Variants in ADAR observed in about 807,000 individuals in gnomAD.
The protein encoded by ADAR is adenosine deaminase RNA specific.
A neutral mutation model predicts 113.2 loss-of-function variants in ADAR; 41 were observed. That is an observed-to-expected ratio of 0.36 (90% CI 0.28 to 0.47). The LOEUF (loss-of-function observed/expected upper bound fraction) is 0.47, where lower values mean the gene tolerates loss of function less well. Ranked by LOEUF, ADAR falls within the 20% of genes least tolerant of loss-of-function variation. The pLI is 1.00. For missense variants in ADAR, 1,242 were observed against 1,540.9 expected (o/e 0.81, Z 3.25); for synonymous variants, 605 against 572.6 (o/e 1.06, Z -0.81).
In ADAR at chr1:154,586,472, T is replaced by C. The variant is rs547720786; in HGVS notation, c.3020-109A>G. 1.5e-5 allele frequency: 16 copies of C among 1,101,228 alleles called. No individual in the cohort carries two copies. In the East Asian group the frequency reaches 4.1e-4, roughly 28 times the overall value. 68.2% of individuals were successfully genotyped at this position (1,101,228 alleles called of 1,614,324 possible). A position where few individuals can be genotyped will look rare whatever the true frequency, so the allele number is the denominator to read the frequency against. ...GGCCACAGGCTACATTCATTCATTC[T>C]TCACATATTTCACAGCCCCTGCTAT... On this transcript the variant is annotated intron_variant, in intron 11 of 14. Transcript: ENST00000368474.
intron 1 of ADAR, among the ~76,000 whole-genome samples, chr1:154,627,318 C>A (rs1032865845): frequency 1.3e-5 from 2 of 152,208 alleles, no homozygotes; most frequent in Admixed American, 1.3e-4. Context: ...AGTGAGCTTT[C>A]CACAGTGGCC....
chr1:154,602,407 G>C lies in ADAR; in HGVS notation c.235C>G (p.Leu79Val). 6.2e-7 allele frequency: 1 copy of C among 1,606,268 alleles called. No homozygotes were observed. The highest frequency in any genetic ancestry group is 8.5e-7 in the Non-Finnish European group (1 of 1,175,340). The change falls in exon 2 of 15, where the codon CTT becomes GTT. Residue 79 changes from leucine (L) to valine (V), a missense_variant. Leu to Val is a conservative substitution (Grantham distance 32). This residue lies in a region of ADAR where 462 missense variants were observed against 483.1 expected (regional missense o/e 0.96). Transcript: ENST00000368474. ...PGLRPRFPVL[L>V]ASSTRGRQVD... The stretch of plus-strand genomic sequence containing the variant: ...TGCCTGCCTCTGGTACTGGAGGCAA[G>C]TAGTACTGGAAACCTTGGCCGGAGT...
intron 11 of ADAR, among the ~76,000 whole-genome samples, chr1:154,586,634 C>CG (rs1357589108): frequency 1.3e-5 from 2 of 152,190 alleles, no homozygotes; most frequent in African/African-American, 2.4e-5. Context: ...CCAGTACATA[C>CG]GGAAGAATTC....
intron 13 of ADAR, 23 bp downstream of exon 13, chr1:154,585,730 A>C: frequency 6.3e-7 from 1 of 1,585,976 alleles, no homozygotes. Context: ...AATGTCAGGG[A>C]AAATAGAAGG....
chr1:154,601,249 T>C lies in ADAR; in HGVS notation c.1393A>G (p.Ser465Gly). 2.5e-6 allele frequency: 4 copies of C among 1,614,262 alleles called. No homozygotes were observed. The highest frequency in any genetic ancestry group is 3.4e-6 in the Non-Finnish European group (4 of 1,180,048). The change falls in exon 2 of 15, where the codon AGT becomes GGT. Residue 465 changes from serine to glycine, a missense_variant. Physicochemically the swap from Ser to Gly is moderately conservative, Grantham distance 56 (BLOSUM62 0). Coordinates refer to ENST00000368474, the MANE Select transcript of ADAR (RefSeq NM_001111.5). The surrounding 1 kb of genome is among the most constrained non-coding windows in gnomAD (Gnocchi z 4.7). ...AACTCACCTGGTGCTGCGCGGATAC[T>C]ATTCAAGTCATCTGGGATGTCATCT... ...ATDDIPDDLN[S>G]IRAAPGEFRA...
At position 154,589,920 on chromosome 1, in the gene ADAR, G is replaced by C. The variant is rs149012931; in HGVS notation, c.2505C>G (p.Leu835=). ...TCTGGTCATGGAAGGTGCTGCCAGTGAGAGGGAGCTGTGGGGAAAAGAGGC... is the reference window on the plus strand; with the variant it reads ...TCTGGTCATGGAAGGTGCTGCCAGTCAGAGGGAGCTGTGGGGAAAAGAGGC... ...SPEAQPKTLP[L]TGSTFHDQIA... is the part of the protein sequence containing the mutation. The change falls in exon 8 of 15, where the codon CTC becomes CTG. Residue 835 remains leucine, a synonymous_variant. Transcript: ENST00000368474. 6.2e-7 allele frequency: 1 copy of C among 1,614,096 alleles called. No homozygotes were observed. The highest frequency in any genetic ancestry group is 8.5e-7 in the Non-Finnish European group (1 of 1,180,042).
intron 6 of ADAR, among the ~76,000 whole-genome samples, chr1:154,592,555 TG>T (rs1001382421): frequency 1.5e-4 from 23 of 152,104 alleles, no homozygotes; most frequent in Non-Finnish European, 2.5e-4. Flanking sequence ...GGAAGGGATT[TG>T]GGATAGAAAT....
At chr1:154,596,734 C>T (rs1335322301) in intron 6 of ADAR, 71 bp downstream of exon 6, 1 of 1,574,266 alleles carries the variant, frequency 6.4e-7, no homozygotes, top group African/African-American at 1.4e-5. Context: ...TAAAGCACAC[C>T]CTTGTTTTCC....
rs942280285 is a variant in ADAR at position 154,582,102 on chromosome 1, G to GT, written c.*2703dup. On this transcript the variant is annotated 3_prime_UTR_variant, in exon 15 of 15. Transcript: ENST00000368474. The stretch of plus-strand genomic sequence containing the variant: ...TGTTTTTTTTTTATTTATGAGGAAT[G>GT]TATATTGTTAAGTCACTGTTATCAA... 1 of 152,286 alleles carries GT rather than the reference G, an allele frequency of 6.6e-6. No individual in the cohort carries two copies. The highest frequency in any genetic ancestry group is 1.5e-5 in the Non-Finnish European group (1 of 67,972). 9.4% of individuals were successfully genotyped at this position (152,286 alleles called of 1,614,324 possible).
At chr1:154,607,919 A>G in intron 1 of ADAR, 73 bp downstream of exon 1, 1 of 1,603,108 alleles carries the variant, frequency 6.2e-7, no homozygotes, top group Non-Finnish European at 8.5e-7. Flanking sequence ...CACGCTACGC[A>G]CTGCAACACA....
upstream of ADAR, among the ~76,000 whole-genome samples, chr1:154,612,322 T>G (rs1255796170): frequency 3.2e-5 from 4 of 124,418 alleles, no homozygotes; most frequent in Non-Finnish European, 5.2e-5. Context: ...TACTCAGTTT[T>G]TTTTTTTTTT....
intron 10 of ADAR, 130 bp from the exon 11 acceptor site, chr1:154,588,388 C>A: frequency 1.3e-6 from 2 of 1,500,674 alleles, no homozygotes; most frequent in Non-Finnish European, 9.2e-7. Flanking sequence ...TGGAGGTGGA[C>A]AGCAGTACAT....
intron 9 of ADAR, 117 bp from the exon 10 acceptor site, chr1:154,588,790 A>G (rs563606459): frequency 7.2e-7 from 1 of 1,383,236 alleles, no homozygotes; most frequent in East Asian, 2.3e-5. Flanking sequence ...CAGACGTTTC[A>G]CAGTTTATCA....
upstream of ADAR, among the ~76,000 whole-genome samples, chr1:154,609,361 T>TCTTTC (rs1698401436): frequency 6.6e-6 from 1 of 152,246 alleles, no homozygotes; most frequent in Non-Finnish European, 1.5e-5. Flanking sequence ...GTGAGAATGT[T>TCTTTC]CTTTCCCTGT....
At position 154,590,240 on chromosome 1, in the gene ADAR, T is replaced by G; in HGVS notation, c.2440A>C (p.Ser814Arg). 1.2e-6 allele frequency: 2 copies of G among 1,604,932 alleles called. No individual in the cohort carries two copies. The highest frequency in any genetic ancestry group is 2.2e-5 in the South Asian group (2 of 90,920). Residue 814 changes from serine to arginine, a missense_variant, in exon 7 of 15, where the codon AGT (serine) becomes CGT (arginine). Physicochemically the swap from Ser to Arg is moderately radical, Grantham distance 110. This residue lies in a region of ADAR where 780 missense variants were observed against 1,057.9 expected (regional missense o/e 0.74). Coordinates refer to ENST00000368474, the MANE Select transcript of ADAR (RefSeq NM_001111.5). Reference sequence around the variant, plus strand: ...AGGAGGAGCATAGTTCTTCTGAGACTGGCCCCTGTCACTGGGGTTACCTCT... The same window carrying G: ...AGGAGGAGCATAGTTCTTCTGAGACGGGCCCCTGTCACTGGGGTTACCTCT... Reference protein sequence around the residue: ...FTEVTPVTGASLRRTMLLLSR... With the variant: ...FTEVTPVTGARLRRTMLLLSR...
chr1:154,588,278 G>A lies in ADAR; in HGVS notation c.2886-20C>T, dbSNP rs768222773. 6.2e-7 allele frequency: 1 copy of A among 1,614,046 alleles called. No individual in the cohort carries two copies. The highest frequency in any genetic ancestry group is 8.5e-7 in the Non-Finnish European group (1 of 1,180,040). ...GCAGTGCTGAAAAACAGGGGTGGCT[G>A]TTAAAACTCACCTGTGGGAAATCTG... On this transcript the variant is annotated intron_variant, in intron 10 of 14. Transcript: ENST00000368474.
intron 6 of ADAR, among the ~76,000 whole-genome samples, chr1:154,596,059 G>A (rs1280519922): frequency 6.6e-6 from 1 of 152,160 alleles, no homozygotes; most frequent in East Asian, 1.9e-4. Context: ...TACGTGTGTA[G>A]GAGCCCATGC....
At position 154,586,176 on chromosome 1, in the gene ADAR, CTTACCCAATGTGACAGATTTGAGAT is replaced by C. The variant is rs1355445140; in HGVS notation, c.3182_3202+4del. 1 of 1,614,090 alleles carries C rather than the reference CTTACCCAATGTGACAGATTTGAGAT, an allele frequency of 6.2e-7. No individual in the cohort carries two copies. The highest frequency in any genetic ancestry group is 1.3e-5 in the African/African-American group (1 of 75,050). ...CAGTTCCAGATCCCAAGGCAGGCCC[CTTACCCAATGTGACAGATTTGAGAT>C]AAATGGGCTGCAGGAAGTGGGTCAA... On this transcript the variant is annotated splice_donor_variant and splice_donor_region_variant and coding_sequence_variant and intron_variant, in exon 12 of 15. Transcript: ENST00000368474. LOFTEE classifies it high-confidence loss of function.
upstream of ADAR, among the ~76,000 whole-genome samples, chr1:154,612,976 T>A (rs891140764): frequency 8.6e-5 from 13 of 151,084 alleles, no homozygotes; most frequent in Non-Finnish European, 1.8e-4. Context: ...CATGCCTGGG[T>A]AATTTTTTGT....
Sources: allele counts gnomAD v4.1 joint callset (sites outside exome capture counted in the v4.1 genomes callset), GRCh38; gene constraint gnomAD v4.1.1; regional missense constraint gnomAD v4.1.1; non-coding constraint Gnocchi (gnomAD v3.1); transcripts MANE v1.5; gene names NCBI Gene and HGNC (gene_info 2026-07-23, HGNC 2026-07-21).